The following RNF220 variants were observed in gnomAD, a reference collection of about 807,000 sequenced individuals.
RNF220 encodes ring finger protein 220, also known as E3 ubiquitin-protein ligase RNF220.
A neutral mutation model predicts 67.1 loss-of-function variants in RNF220; 7 were observed. That is an observed-to-expected ratio of 0.10 (90% CI 0.06 to 0.20). The LOEUF is 0.20. Among genes scored for constraint, RNF220 ranks in the 10% least tolerant of loss-of-function variants. The pLI is 1.00. For synonymous variants in RNF220, 270 were observed against 283.2 expected (o/e 0.95, Z 0.47); for missense variants, 565 against 740.3 (o/e 0.76, Z 2.75).
At chr1:44,409,803 C>G (rs1572404762) in intron 1 of RNF220, among the ~76,000 whole-genome samples, 2 of 152,024 alleles carry the variant, frequency 1.3e-5, no homozygotes, top group East Asian at 3.9e-4. Context: ...AGTGTATTAA[C>G]TATAGATTTT....
intron 8 of RNF220, chr1:44,643,588 A>G (rs1383399659): frequency 6.6e-6 from 1 of 152,196 alleles, no homozygotes; most frequent in African/African-American, 2.4e-5. Flanking sequence ...TCCCTACAAG[A>G]CATACCCTAA....
chr1:44,462,605 C>T (rs905488391), intron 2 of RNF220, among the ~76,000 whole-genome samples: 1 of 152,104 alleles, frequency 6.6e-6, no homozygotes, highest in African/African-American at 2.4e-5. Flanking sequence ...ATTCTCTAAG[C>T]TATCAGTTAT....
intron 2 of RNF220, among the ~76,000 whole-genome samples, chr1:44,526,470 AACTCAGTACTACTCAGTACTTGTGTCCTG>A (rs1184032934): frequency 2.0e-5 from 3 of 152,174 alleles, no homozygotes; most frequent in Admixed American, 6.5e-5. Flanking sequence ...ATTGTCCCCT[AACTCAGTACTACTCAGTACTTGTGTCCTG>A]ACTCAGTACT....
intron 5 of RNF220, among the ~76,000 whole-genome samples, chr1:44,629,215 C>T (rs545127728): frequency 1.3e-5 from 2 of 152,250 alleles, no homozygotes; most frequent in Non-Finnish European, 2.9e-5. Context: ...CCTGTTGAGG[C>T]CTAGAATCTG....
rs374230228 is a variant in RNF220 at position 44,430,474 on chromosome 1, CTCT to C, written c.625+17756_625+17758del. Among the ~76,000 whole-genome samples the C allele has an allele frequency of 2.1e-4, 32 of 152,200 alleles. 1 individual carries two copies. In the South Asian group the frequency reaches 4.1e-3, roughly 20 times the overall value. On this transcript the variant is annotated intron_variant, in intron 2 of 14. Transcript: ENST00000361799. ...ACTGGATGAAGAGTATATGGAAACC[CTCT>C]TCTACTATCTTTGCAATTTTTCCAT...
rs533063110 is a variant in RNF220, at chr1:44,448,287, C to T, written c.625+35565C>T. ...GCAGCCTGAGTTGACAGCAAGACTCCGTCTCAAAAAATAAATAAGTAAATC... is the reference window on the plus strand; with the variant it reads ...GCAGCCTGAGTTGACAGCAAGACTCTGTCTCAAAAAATAAATAAGTAAATC... On this transcript the variant is annotated intron_variant, in intron 2 of 14. Coordinates refer to ENST00000361799, the MANE Select transcript of RNF220 (RefSeq NM_018150.4). Among the ~76,000 whole-genome samples the T allele has an allele frequency of 5.3e-5, 8 of 152,278 alleles. No individual in the cohort carries two copies. The East Asian group carries it at 9.7e-4, about 18-fold the overall frequency.
chr1:44,458,400 G>T (rs576050477), intron 2 of RNF220, among the ~76,000 whole-genome samples: 5 of 151,138 alleles, frequency 3.3e-5, no homozygotes, highest in Admixed American at 6.6e-5. Context: ...AGACCACCTG[G>T]GTTCAAATCC....
At chr1:44,602,641 C>A (rs1367086320) in intron 2 of RNF220, among the ~76,000 whole-genome samples, 1 of 152,060 alleles carries the variant, frequency 6.6e-6, no homozygotes, top group Non-Finnish European at 1.5e-5. Context: ...TCCTCCTTCA[C>A]TGACTCCCGA....
At chr1:44,418,396 C>T (rs1442010551) in intron 2 of RNF220, among the ~76,000 whole-genome samples, 1 of 152,206 alleles carries the variant, frequency 6.6e-6, no homozygotes, top group Non-Finnish European at 1.5e-5. Context: ...TTTTTCCCTT[C>T]CTGCTTTTCA....
In RNF220 at chr1:44,531,776, A is replaced by G. The variant is rs951681773; in HGVS notation, c.626-82389A>G. Among the ~76,000 whole-genome samples, 57 of 152,192 alleles carry G rather than the reference A, an allele frequency of 3.7e-4. 1 individual carries two copies. The highest frequency in any genetic ancestry group is 3.0e-3 in the Admixed American group (46 of 15,268). ...CTCCATTAGGACCAATTATCATCCA[A>G]TCACTGCTTGAATACCTCTTATGAG... On this transcript the variant is annotated intron_variant, in intron 2 of 14. Coordinates refer to ENST00000361799, the MANE Select transcript of RNF220 (RefSeq NM_018150.4).
chr1:44,563,292 TGCTGAG>T (rs139204653), intron 2 of RNF220, among the ~76,000 whole-genome samples: 12,182 of 152,240 alleles, frequency 0.08, 662 homozygotes, highest in Middle Eastern at 0.14. Flanking sequence ...TCTGAGCTGA[TGCTGAG>T]GCAGGGCCCC....
intron 8 of RNF220, among the ~76,000 whole-genome samples, chr1:44,639,075 C>T (rs1034238794): frequency 6.6e-6 from 1 of 152,172 alleles, no homozygotes; most frequent in Non-Finnish European, 1.5e-5. Context: ...AAAAGAGATC[C>T]GCAGTTAGGG....
rs116046530 is a variant in RNF220 at position 44,547,604 on chromosome 1, C to A, written c.626-66561C>A. ...CCTTTGACCCTCTTCTCTCGGTGCA[C>A]ACTTTAATCTGATGAGCTCATCCAT... is the stretch of plus-strand genomic sequence containing the variant. On this transcript the variant is annotated intron_variant, in intron 2 of 14. Coordinates refer to ENST00000361799, the MANE Select transcript of RNF220 (RefSeq NM_018150.4). Among the ~76,000 whole-genome samples the A allele has an allele frequency of 8.1e-3, 1,232 of 152,200 alleles. 9 individuals carry two copies. The highest frequency in any genetic ancestry group is 0.014 in the Non-Finnish European group (935 of 68,014).
intron 2 of RNF220, chr1:44,419,976 C>T (rs1649027345): frequency 6.6e-6 from 1 of 152,216 alleles, no homozygotes; most frequent in South Asian, 2.1e-4. Context: ...GTGGAGTCCA[C>T]ACATACGGAT....
chr1:44,640,603 G>A (rs866037500), intron 8 of RNF220, among the ~76,000 whole-genome samples: 2 of 152,158 alleles, frequency 1.3e-5, no homozygotes, highest in African/African-American at 4.8e-5. Context: ...ACGCGTTATC[G>A]AGGAGGCCCG....
chr1:44,492,942 T>C (rs1221831266), intron 2 of RNF220, among the ~76,000 whole-genome samples: 1 of 151,836 alleles, frequency 6.6e-6, no homozygotes, highest in Non-Finnish European at 1.5e-5. Flanking sequence ...TTTTTATATA[T>C]GGATGAGGTC....
intron 1 of RNF220, chr1:44,408,949 T>C (rs542635296): frequency 2.1e-4 from 32 of 152,388 alleles, no homozygotes; most frequent in African/African-American, 7.7e-4. Context: ...GGAGATTACC[T>C]ACTCTCTGAG....
intron 2 of RNF220, among the ~76,000 whole-genome samples, chr1:44,599,131 A>G (rs1323260541): frequency 1.3e-5 from 2 of 152,206 alleles, no homozygotes; most frequent in Non-Finnish European, 2.9e-5. Context: ...GAAGCTCAGC[A>G]TCAGCTACTC....
At chr1:44,438,970 A>G (rs1049235696) in intron 2 of RNF220, among the ~76,000 whole-genome samples, 15 of 152,318 alleles carry the variant, frequency 9.8e-5, no homozygotes, top group Admixed American at 5.2e-4. Flanking sequence ...TTAGTATTCC[A>G]TTGCAGGGAT....
Sources: allele counts gnomAD v4.1 joint callset (sites outside exome capture counted in the v4.1 genomes callset), GRCh38; gene constraint gnomAD v4.1.1; transcripts MANE v1.5; gene names NCBI Gene and HGNC (gene_info 2026-07-23, HGNC 2026-07-21).